Variants in PLA2G4A observed in about 807,000 individuals in gnomAD.
The protein encoded by PLA2G4A is cytosolic phospholipase A2.
Under a neutral mutation model 81.9 loss-of-function variants are expected in PLA2G4A, and 40 were observed. The observed-to-expected ratio is 0.49, with a 90% CI of 0.38 to 0.64. The LOEUF is 0.64. Ranked by LOEUF, PLA2G4A falls within the 30% of genes least tolerant of loss-of-function variation. PLA2G4A has a pLI of 0.00. For missense variants in PLA2G4A, 715 were observed against 905.1 expected (o/e 0.79, Z 2.69); for synonymous variants, 302 against 296.9 (o/e 1.02, Z -0.18).
At chr1:186,965,216 A>G (rs1157982247) in intron 14 of PLA2G4A, among the ~76,000 whole-genome samples, 193 bp from the exon 15 acceptor site, 2 of 152,226 alleles carry the variant, frequency 1.3e-5, no homozygotes, top group African/African-American at 4.8e-5. Flanking sequence ...CTGATGTTAC[A>G]GATGAAGAAA....
intron 14 of PLA2G4A, among the ~76,000 whole-genome samples, chr1:186,963,355 T>C (rs913241421): frequency 3.9e-5 from 6 of 152,230 alleles, no homozygotes; most frequent in Non-Finnish European, 7.3e-5. Flanking sequence ...GGTTCTGTGA[T>C]AGGTAGTCTA....
At chr1:186,969,220 T>A (rs779428012) in intron 15 of PLA2G4A, among the ~76,000 whole-genome samples, 13 of 151,466 alleles carry the variant, frequency 8.6e-5, no homozygotes, top group South Asian at 2.1e-4. Flanking sequence ...ATTTTAAAAA[T>A]TTTTTTCACT....
intron 3 of PLA2G4A, among the ~76,000 whole-genome samples, chr1:186,887,532 T>C (rs929802065): frequency 2.0e-5 from 3 of 152,128 alleles, no homozygotes; most frequent in African/African-American, 7.2e-5. Context: ...CATTTTTTGT[T>C]TGTCAAGATT....
intron 6 of PLA2G4A, 58 bp from the exon 7 acceptor site, chr1:186,911,190 A>G (rs1218041628): frequency 2.0e-6 from 3 of 1,512,024 alleles, no homozygotes; most frequent in East Asian, 2.3e-5. Context: ...AGCTACCTGG[A>G]TGGAAAACCA....
chr1:186,866,645 A>T (rs1457757867), intron 2 of PLA2G4A, among the ~76,000 whole-genome samples: 1 of 152,192 alleles, frequency 6.6e-6, no homozygotes, highest in East Asian at 1.9e-4. Flanking sequence ...AAAATCAAAT[A>T]TTAAATAATG....
At chr1:186,914,545 T>A (rs1655073937) in intron 7 of PLA2G4A, among the ~76,000 whole-genome samples, 1 of 151,838 alleles carries the variant, frequency 6.6e-6, no homozygotes, top group African/African-American at 2.4e-5. Context: ...CTTGAGAGGG[T>A]CGTGATCATT....
intron 17 of PLA2G4A, 58 bp from the exon 18 acceptor site, chr1:186,988,319 A>G: frequency 7.5e-7 from 1 of 1,336,208 alleles, no homozygotes; most frequent in South Asian, 1.3e-5. Context: ...TTTTAATAAA[A>G]AATATATAAA....
intron 15 of PLA2G4A, among the ~76,000 whole-genome samples, chr1:186,966,593 C>T (rs1324750610): frequency 1.3e-5 from 2 of 152,032 alleles, no homozygotes; most frequent in Non-Finnish European, 2.9e-5. Context: ...AAAAGTCCGC[C>T]TGTGTTGAAG....
At chr1:186,895,873 C>T (rs948884865) in intron 5 of PLA2G4A, among the ~76,000 whole-genome samples, 2 of 152,076 alleles carry the variant, frequency 1.3e-5, no homozygotes, top group Admixed American at 1.3e-4. Context: ...GAAAATAACA[C>T]TTAACTCTTC....
chr1:186,830,562 C>A (rs1409928427), intron 1 of PLA2G4A, among the ~76,000 whole-genome samples: 3 of 137,472 alleles, frequency 2.2e-5, no homozygotes, highest in Admixed American at 8.0e-5. Context: ...GAGCCAAGAT[C>A]GCGCCATTGC....
At chr1:186,929,792 T>C (rs1455827804) in intron 7 of PLA2G4A, among the ~76,000 whole-genome samples, 2 of 152,184 alleles carry the variant, frequency 1.3e-5, no homozygotes, top group South Asian at 2.1e-4. Context: ...CCCAGTGTGG[T>C]AGCCCATGCT....
At chr1:186,935,822 G>A (rs1290420103) in intron 8 of PLA2G4A, among the ~76,000 whole-genome samples, 3 of 151,908 alleles carry the variant, frequency 2.0e-5, no homozygotes, top group East Asian at 1.9e-4. Flanking sequence ...GAGGTAATAC[G>A]GAAATATGTG....
intron 17 of PLA2G4A, among the ~76,000 whole-genome samples, chr1:186,983,497 A>G (rs866136702): frequency 6.6e-6 from 1 of 152,250 alleles, no homozygotes; most frequent in Non-Finnish European, 1.5e-5. Flanking sequence ...GCTTCATTTT[A>G]TCAAGAGATT....
At chr1:186,952,867 T>C (rs577367241) in intron 13 of PLA2G4A, among the ~76,000 whole-genome samples, 1 of 152,338 alleles carries the variant, frequency 6.6e-6, no homozygotes, top group African/African-American at 2.4e-5. Flanking sequence ...CTATGTTTTT[T>C]CTTGGCTTCA....
intron 3 of PLA2G4A, among the ~76,000 whole-genome samples, chr1:186,887,748 T>C (rs917720120): frequency 8.5e-5 from 13 of 152,188 alleles, no homozygotes; most frequent in Non-Finnish European, 1.9e-4. Flanking sequence ...CTTTAATTCA[T>C]TCCTTGAAAC....
chr1:186,830,608 C>CAAAAAAAAAAAAAAAAAAAAAAAAAAAAA (rs55745208), intron 1 of PLA2G4A, among the ~76,000 whole-genome samples: 8 of 72,688 alleles, frequency 1.1e-4, no homozygotes, highest in Non-Finnish European at 1.8e-4. Flanking sequence ...AGCTCTGTCT[C>CAAAAAAAAAAAAAAAAAAAAAAAAAAAAA]AAAAAAAAAA....
chr1:186,850,055 A>G (rs1478893065), intron 1 of PLA2G4A, among the ~76,000 whole-genome samples: 1 of 152,134 alleles, frequency 6.6e-6, no homozygotes, highest in Non-Finnish European at 1.5e-5. Flanking sequence ...CAATTTTGCA[A>G]TCTTTTGCAC....
intron 1 of PLA2G4A, among the ~76,000 whole-genome samples, chr1:186,843,540 C>T (rs1475164557): frequency 2.0e-5 from 3 of 152,008 alleles, no homozygotes; most frequent in Admixed American, 6.6e-5. Context: ...AAGACTGACA[C>T]GTGTATAATG....
At chr1:186,940,170 G>T (rs1656097895) in intron 10 of PLA2G4A, 76 bp downstream of exon 10, 1 of 815,668 alleles carries the variant, frequency 1.2e-6, no homozygotes, top group East Asian at 2.4e-5. Flanking sequence ...TTAGAGGAAG[G>T]TCATAAGCAA....
Sources: gnomAD v4.1 joint callset for allele counts (sites outside exome capture counted in the v4.1 genomes callset) on GRCh38, gnomAD v4.1.1 for gene constraint, MANE v1.5 for transcripts, NCBI Gene and HGNC (gene_info 2026-07-23, HGNC 2026-07-21) for gene names.